LIMS1: variants seen among roughly 807,000 people sequenced by gnomAD.
LIMS1 encodes LIM zinc finger domain containing 1.
Under a neutral mutation model 44.1 loss-of-function variants are expected in LIMS1, and 18 were observed. The ratio of observed to expected loss-of-function variants is 0.41; its 90% CI spans 0.28 to 0.61. LIMS1 has a LOEUF of 0.61. LIMS1 is among the 20% of genes least tolerant of loss of function. The pLI, the probability that LIMS1 is intolerant of heterozygous loss-of-function variation, is 0.32. For synonymous variants in LIMS1, 93 were observed against 149.1 expected (o/e 0.62, Z 2.74); for missense variants, 201 against 422.0 (o/e 0.48, Z 4.59).
intron 1 of LIMS1, among the ~76,000 whole-genome samples, chr2:108,540,692 C>T (rs1467494104): frequency 6.6e-6 from 1 of 152,068 alleles, no homozygotes; most frequent in African/African-American, 2.4e-5. Context: ...TAGTGGGTCC[C>T]CTGCATTAGC....
At chr2:108,641,991 G>A (rs961521354) in intron 1 of LIMS1, among the ~76,000 whole-genome samples, 1 of 152,152 alleles carries the variant, frequency 6.6e-6, no homozygotes, top group African/African-American at 2.4e-5. Context: ...CAGGATAGAG[G>A]ATGATAGTAG....
At chr2:108,659,964 C>T (rs1691229198) in intron 2 of LIMS1, 200 bp downstream of exon 2, 1 of 464,750 alleles carries the variant, frequency 2.2e-6, no homozygotes, top group Non-Finnish European at 4.0e-6. Flanking sequence ...ATTGGGACAC[C>T]CTCACAGACC....
chr2:108,590,420 AAAC>A (rs1235729272), intron 1 of LIMS1, among the ~76,000 whole-genome samples: 1 of 152,250 alleles, frequency 6.6e-6, no homozygotes, highest in African/African-American at 2.4e-5. Context: ...TTTAGTTTGC[AAAC>A]AACAAGGCAC....
intron 1 of LIMS1, among the ~76,000 whole-genome samples, chr2:108,539,872 T>C (rs1684261023): frequency 1.3e-5 from 2 of 152,208 alleles, no homozygotes; most frequent in Admixed American, 6.5e-5. Context: ...TTTCTTCCTG[T>C]CCTTCCCTCC....
At chr2:108,570,923 G>A (rs1248384156) in intron 1 of LIMS1, among the ~76,000 whole-genome samples, 2 of 152,182 alleles carry the variant, frequency 1.3e-5, no homozygotes, top group African/African-American at 4.8e-5. Flanking sequence ...GCTAACTGAA[G>A]AAAAATAACA....
rs148560878 is a variant in LIMS1, at chr2:108,624,190, C to T, written c.33-35415C>T. On this transcript the variant is annotated intron_variant, in intron 1 of 9. Coordinates refer to ENST00000544547, the Ensembl canonical transcript of LIMS1. Reference sequence around the variant, plus strand: ...CTTCACAAGGCATTGACCCTTTTTTCCCTGAAGTTTTTGGTGTCCCAAAAT... The same window carrying T: ...CTTCACAAGGCATTGACCCTTTTTTTCCTGAAGTTTTTGGTGTCCCAAAAT... 6.0e-3 allele frequency among the ~76,000 whole-genome samples: 919 copies of T among 152,280 alleles called. 5 individuals are homozygous for T. The highest frequency in any genetic ancestry group is 0.01 in the Non-Finnish European group (710 of 68,002).
chr2:108,644,500 C>T (rs1026504229), intron 1 of LIMS1, among the ~76,000 whole-genome samples: 16 of 152,266 alleles, frequency 1.1e-4, no homozygotes, highest in African/African-American at 3.8e-4. Flanking sequence ...AGGTCACCAA[C>T]TTCAAAGACC....
chr2:108,602,736 C>T (rs1687078268), intron 1 of LIMS1, among the ~76,000 whole-genome samples: 1 of 152,146 alleles, frequency 6.6e-6, no homozygotes, highest in Non-Finnish European at 1.5e-5. Flanking sequence ...CATCAAAATT[C>T]ATCAGAGATA....
intron 1 of LIMS1, among the ~76,000 whole-genome samples, chr2:108,603,083 A>G (rs13411824): frequency 0.45 from 69,028 of 152,038 alleles, 16,930 homozygotes; most frequent in East Asian, 0.96. Flanking sequence ...CACTCGCCTG[A>G]CCAGGTTTTC....
chr2:108,582,889 G>A (rs1045571818), intron 1 of LIMS1, among the ~76,000 whole-genome samples: 1 of 152,036 alleles, frequency 6.6e-6, no homozygotes, highest in Non-Finnish European at 1.5e-5. Flanking sequence ...AATTTGCTTG[G>A]ACTTTATGCT....
intron 1 of LIMS1, chr2:108,621,481 T>C: frequency 6.5e-7 from 1 of 1,526,888 alleles, no homozygotes; most frequent in East Asian, 2.4e-5. Flanking sequence ...AAGTCATGGT[T>C]GGCTAAAGGT....
intron 2 of LIMS1, chr2:108,660,399 T>C (rs965663): frequency 7.0e-5 from 31 of 445,142 alleles, no homozygotes; most frequent in African/African-American, 3.9e-4. Flanking sequence ...ATTTGGTATT[T>C]TCAACATTAC....
intron 1 of LIMS1, among the ~76,000 whole-genome samples, chr2:108,558,509 G>C (rs917753769): frequency 6.6e-6 from 1 of 151,522 alleles, no homozygotes; most frequent in Non-Finnish European, 1.5e-5. Context: ...ACACCGGGAC[G>C]ATTTGTGCGT....
chr2:108,603,492 C>T lies in LIMS1; in HGVS notation c.33-56113C>T, dbSNP rs1003789916. Among the ~76,000 whole-genome samples the T allele has an allele frequency of 3.1e-5, 4 of 129,282 alleles. No individual in the cohort carries two copies. In the South Asian group the frequency reaches 7.2e-4, roughly 23 times the overall value. 84.8% of individuals were successfully genotyped at this position (129,282 alleles called of 152,430 possible). On this transcript the variant is annotated intron_variant, in intron 1 of 9. Transcript: ENST00000544547. ...ATCAGTTGTAATGTCTCCTTTTCAT[C>T]GCCTTTTTTTTTTTTTTTTTTTTTC...
chr2:108,544,422 G>A (rs1434582343), intron 1 of LIMS1, among the ~76,000 whole-genome samples: 1 of 152,028 alleles, frequency 6.6e-6, no homozygotes, highest in African/African-American at 2.4e-5. Context: ...TTATTATGGA[G>A]GATTTCAAAC....
chr2:108,576,562 G>A (rs938216904), intron 1 of LIMS1, among the ~76,000 whole-genome samples: 1 of 151,894 alleles, frequency 6.6e-6, no homozygotes, highest in Non-Finnish European at 1.5e-5. Flanking sequence ...CACCACACCT[G>A]GCTAATTTTT....
chr2:108,536,385 T>C (rs982056796), intron 1 of LIMS1, among the ~76,000 whole-genome samples: 20 of 152,258 alleles, frequency 1.3e-4, no homozygotes, highest in African/African-American at 4.6e-4. Context: ...CTTTGACTAC[T>C]GCTGGTACCT....
At chr2:108,684,183 G>A (rs2149029466) in exon 10 of LIMS1, 1 of 358,250 alleles carries the variant, frequency 2.8e-6, no homozygotes, top group Non-Finnish European at 5.1e-6. Flanking sequence ...CACAAATGAA[G>A]TCAGTATTTG....
At chr2:108,606,622 T>G (rs1178046075) in intron 1 of LIMS1, among the ~76,000 whole-genome samples, 1 of 152,210 alleles carries the variant, frequency 6.6e-6, no homozygotes, top group Non-Finnish European at 1.5e-5. Flanking sequence ...GAGCTCACAT[T>G]TCAGTGAGGA....
Sources: gnomAD v4.1 joint callset for allele counts (sites outside exome capture counted in the v4.1 genomes callset) on GRCh38, gnomAD v4.1.1 for gene constraint, MANE v1.5 for transcripts, NCBI Gene and HGNC (gene_info 2026-07-23, HGNC 2026-07-21) for gene names.